The following ELN variants were observed in gnomAD, a reference collection of about 807,000 sequenced individuals.
ELN encodes tropoelastin.
ELN carries 65 observed loss-of-function variants against 105.8 expected under a neutral mutation model. That is an observed-to-expected ratio of 0.61 (90% confidence interval 0.50 to 0.75). ELN has a LOEUF of 0.75. ELN is among the 30% of genes least tolerant of loss of function. ELN has a pLI of 0.00. For synonymous variants in ELN, 368 were observed against 389.2 expected (o/e 0.95, Z 0.64); for missense variants, 882 against 969.4 (o/e 0.91, Z 1.20).
chr7:74,029,161 T>C (rs1278519354), intron 1 of ELN, among the ~76,000 whole-genome samples: 1 of 152,118 alleles, frequency 6.6e-6, no homozygotes, highest in African/African-American at 2.4e-5. Context: ...GGTGTGACAC[T>C]GGTGTGGACT....
chr7:74,036,527 C>CTCTCTT (rs781921118), intron 2 of ELN, 28 bp from the exon 3 acceptor site: 2 of 1,613,690 alleles, frequency 1.2e-6, no homozygotes, highest in Non-Finnish European at 1.7e-6. Context: ...TACCGATGAT[C>CTCTCTT]TCTCTTTCTC....
In ELN at chr7:74,040,504, G is replaced by A. The variant is rs1019758779; in HGVS notation, c.197-712G>A. On this transcript the variant is annotated intron_variant, in intron 4 of 32. Coordinates refer to ENST00000252034, the MANE Select transcript of ELN (RefSeq NM_000501.4). The stretch of plus-strand genomic sequence containing the variant: ...CTCTCCAGGGTACAGCAGGCTCCAT[G>A]TTTGGGATCCATCCCTGGAGAGGAC... Among the ~76,000 whole-genome samples the A allele has an allele frequency of 3.3e-5, 5 of 152,344 alleles. No homozygotes were observed. The South Asian group carries it at 8.3e-4, about 25-fold the overall frequency.
intron 29 of ELN, among the ~76,000 whole-genome samples, chr7:74,064,086 G>A (rs1304135529): frequency 2.0e-5 from 3 of 150,060 alleles, no homozygotes; most frequent in African/African-American, 7.4e-5. Flanking sequence ...TTGGGCAGCA[G>A]AGTGAGACCC....
intron 15 of ELN, among the ~76,000 whole-genome samples, chr7:74,049,166 C>T (rs181743180): frequency 7.5e-5 from 11 of 147,524 alleles, no homozygotes. Flanking sequence ...TATCCATCCA[C>T]CCACTCATCC....
At chr7:74,050,091 A>C (rs553207659) in intron 15 of ELN, among the ~76,000 whole-genome samples, 14 of 144,902 alleles carry the variant, frequency 9.7e-5, no homozygotes, top group Non-Finnish European at 1.8e-4. Context: ...CCATCCATCT[A>C]TTCCTCCATG....
intron 4 of ELN, among the ~76,000 whole-genome samples, chr7:74,039,190 C>T (rs1324596070): frequency 6.6e-6 from 1 of 152,200 alleles, no homozygotes; most frequent in African/African-American, 2.4e-5. Flanking sequence ...CAACTCCCTA[C>T]GAAGTTCCAG....
intron 21 of ELN, among the ~76,000 whole-genome samples, chr7:74,057,121 C>T (rs1563840672): frequency 6.6e-6 from 1 of 152,012 alleles, no homozygotes; most frequent in Non-Finnish European, 1.5e-5. Context: ...ACCTATAGTC[C>T]CAGCTACTTG....
chr7:74,068,428 C>G (rs1336482692), intron 32 of ELN, among the ~76,000 whole-genome samples: 3 of 152,224 alleles, frequency 2.0e-5, no homozygotes, highest in African/African-American at 7.2e-5. Flanking sequence ...GACCTGCCCC[C>G]TTTTCTGCGA....
chr7:74,043,198 C>G (rs2131463715), intron 8 of ELN, 30 bp downstream of exon 8: 1 of 1,568,158 alleles, frequency 6.4e-7, no homozygotes, highest in East Asian at 2.4e-5. Context: ...GGCTGGAGGA[C>G]AGAGGGCAGG....
intron 12 of ELN, among the ~76,000 whole-genome samples, chr7:74,047,179 G>C (rs942263511): frequency 9.2e-5 from 14 of 152,198 alleles, no homozygotes; most frequent in Non-Finnish European, 1.9e-4. Flanking sequence ...GGCAGGGAAG[G>C]GGTGTTGAAG....
rs1554671960 is a variant in ELN at position 74,046,120 on chromosome 7, C to T, written c.542-68C>T. The T allele has an allele frequency of 5.0e-6, 8 of 1,608,472 alleles. No individual in the cohort carries two copies. In the East Asian group the frequency reaches 1.1e-4, roughly 22 times the overall value. ...ACTGGCCATTCCTTGGGCCTCCTGG[C>T]CCCTTGGTGCTGTCTGGCCCAGTGT... On this transcript the variant is annotated intron_variant, in intron 10 of 32. Coordinates refer to ENST00000252034, the MANE Select transcript of ELN (RefSeq NM_000501.4).
At chr7:74,052,859 G>GAGAA (rs1313419605) in intron 17 of ELN, 9 of 422,598 alleles carry the variant, frequency 2.1e-5, no homozygotes, top group Non-Finnish European at 3.9e-5. Context: ...GGGAGGGAGA[G>GAGAA]AGAAAGAAAG....
At position 74,028,213 on chromosome 7, in the gene ELN, C is replaced by A. The variant is rs782292334; in HGVS notation, c.26C>A (p.Pro9Gln). 1.2e-6 allele frequency: 2 copies of A among 1,611,260 alleles called. No individual in the cohort carries two copies. Among genetic ancestry groups the A allele is most frequent in the Non-Finnish European group, 1.7e-6 (2 of 1,179,696 alleles). ...ATGGCGGGTCTGACGGCGGCGGCCCCGCGGCCCGGAGTCCTCCTGCTCCTG... is the reference window on the plus strand; with the variant it reads ...ATGGCGGGTCTGACGGCGGCGGCCCAGCGGCCCGGAGTCCTCCTGCTCCTG... MAGLTAAA[P>Q]RPGVLLLLLS... The change falls in exon 1 of 33, where the codon CCG (proline) becomes CAG (glutamine). Residue 9 changes from proline (P) to glutamine (Q), a missense_variant. Transcript: ENST00000252034.
At chr7:74,028,459 T>C (rs1787930931) in intron 1 of ELN, among the ~76,000 whole-genome samples, 190 bp downstream of exon 1, 1 of 152,132 alleles carries the variant, frequency 6.6e-6, no homozygotes, top group Admixed American at 6.5e-5. Context: ...GAGGAACCTG[T>C]CAAAGAGACA....
intron 1 of ELN, among the ~76,000 whole-genome samples, chr7:74,030,916 G>A (rs1392189331): frequency 6.6e-6 from 1 of 152,202 alleles, no homozygotes; most frequent in Non-Finnish European, 1.5e-5. Context: ...CGAGGCCCCG[G>A]CATGAGGGCA....
chr7:74,049,570 C>T (rs1793419586), intron 15 of ELN, among the ~76,000 whole-genome samples: 1 of 151,890 alleles, frequency 6.6e-6, no homozygotes, highest in Non-Finnish European at 1.5e-5. Flanking sequence ...TCTAGGCACC[C>T]ATCCATCCAT....
chr7:74,046,250 C>T, intron 11 of ELN, 33 bp downstream of exon 11: 1 of 1,614,064 alleles, frequency 6.2e-7, no homozygotes, highest in Non-Finnish European at 8.5e-7. Flanking sequence ...AGCAGGGTGG[C>T]CAGCCAGGCA....
chr7:74,052,820 GAA>G (rs1794370787), intron 17 of ELN: 3 of 288,414 alleles, frequency 1.0e-5, no homozygotes, highest in Admixed American at 5.4e-5. Flanking sequence ...GAAGGAAAAA[GAA>G]AAGAGGGAGG....
At chr7:74,038,869 G>A (rs782650714) in intron 4 of ELN, among the ~76,000 whole-genome samples, 10 of 152,248 alleles carry the variant, frequency 6.6e-5, no homozygotes, top group Non-Finnish European at 1.0e-4. Flanking sequence ...CAGGAGAGGC[G>A]GGAGAACGGG....
Sources: allele counts gnomAD v4.1 joint callset (sites outside exome capture counted in the v4.1 genomes callset), GRCh38; gene constraint gnomAD v4.1.1; transcripts MANE v1.5; gene names NCBI Gene and HGNC (gene_info 2026-07-23, HGNC 2026-07-21).